The following VCPIP1 variants were observed in gnomAD, a reference collection of about 807,000 sequenced individuals.
The protein encoded by VCPIP1 is valosin containing protein interacting protein 1.
A neutral mutation model predicts 85.0 loss-of-function variants in VCPIP1; 8 were observed. The observed-to-expected ratio is 0.09, with a 90% CI of 0.06 to 0.17. The LOEUF (loss-of-function observed/expected upper bound fraction) is 0.17, where lower values mean the gene tolerates loss of function less well. Among genes scored for constraint, VCPIP1 ranks in the 10% least tolerant of loss-of-function variants. The probability of loss-of-function intolerance (pLI) is 1.00; values close to 1 mark genes in which losing one functional copy is unlikely to be tolerated. For synonymous variants in VCPIP1, 543 were observed against 544.5 expected (o/e 1.00, Z 0.04); for missense variants, 1,070 against 1,486.3 (o/e 0.72, Z 4.61).
At position 66,630,226 on chromosome 8, in the gene VCPIP1, G is replaced by A. The variant is rs574430541; in HGVS notation, c.*4275C>T. 19 of 152,134 alleles carry A rather than the reference G, an allele frequency of 1.2e-4. 1 individual carries two copies. Among genetic ancestry groups the A allele is most frequent in the Middle Eastern group, 3.4e-3 (1 of 294 alleles). The allele number at this position is 152,134 out of a possible 1,614,324, so 9.4% of individuals were successfully genotyped here. On this transcript the variant is annotated 3_prime_UTR_variant, in exon 3 of 3. Transcript: ENST00000310421. Reference sequence around the variant, plus strand: ...TAATATATACAGTAATCACGAAATCGGAAAATAATGGGCAACAGCCAGTGC... The same window carrying A: ...TAATATATACAGTAATCACGAAATCAGAAAATAATGGGCAACAGCCAGTGC...
In VCPIP1 at chr8:66,634,348, A is replaced by G; in HGVS notation, c.*153T>C. Reference sequence around the variant, plus strand: ...AGCAGTATATTAAAAGCTATGGCCAATCACACACTTGCTATCATGCACTGA... The same window carrying G: ...AGCAGTATATTAAAAGCTATGGCCAGTCACACACTTGCTATCATGCACTGA... On this transcript the variant is annotated 3_prime_UTR_variant, in exon 3 of 3. Coordinates refer to ENST00000310421, the MANE Select transcript of VCPIP1 (RefSeq NM_025054.5). 1.2e-6 allele frequency: 1 copy of G among 863,406 alleles called. No individual in the cohort carries two copies. Among genetic ancestry groups the G allele is most frequent in the Non-Finnish European group, 1.7e-6 (1 of 597,572 alleles). The allele number at this position is 863,406 out of a possible 1,614,324, so 53.5% of individuals were successfully genotyped here.
chr8:66,637,095 G>A (rs1810894713), intron 2 of VCPIP1, among the ~76,000 whole-genome samples: 1 of 152,110 alleles, frequency 6.6e-6, no homozygotes, highest in South Asian at 2.1e-4. Flanking sequence ...TTGGGAGGCT[G>A]AGGCGGGAGG....
In VCPIP1 at chr8:66,634,696, A is replaced by G; in HGVS notation, c.3474T>C (p.Pro1158=). 1 of 1,614,140 alleles carries G rather than the reference A, an allele frequency of 6.2e-7. No homozygotes were observed. Among genetic ancestry groups the G allele is most frequent in the Non-Finnish European group, 8.5e-7 (1 of 1,180,014 alleles). ...AKSGSLQTGL[P]ESFPLTGGTE... ...TACCACCAGTTAAAGGAAAAGATTC[A>G]GGCAAACCAGTCTGAAGACTCCCAG... The change falls in exon 3 of 3, where the codon CCT becomes CCC. Residue 1158 remains proline, a synonymous_variant. Transcript: ENST00000310421.
rs1429408604 is a variant in VCPIP1, at chr8:66,666,335, G to A, written c.624C>T (p.Leu208=). The part of the protein sequence containing the change: ...IKRANKSQEC[L]IPVHVDGDGH... The stretch of plus-strand genomic sequence containing the variant: ...CATCCCCGTCCACATGCACTGGAAT[G>A]AGACATTCCTGGCTTTTATTGGCCC... The change falls in exon 1 of 3, where the codon CTC becomes CTT. Residue 208 remains leucine, a synonymous_variant. Transcript: ENST00000310421. This position sits in a 1 kb window ranked among gnomAD's most constrained non-coding sequence, Gnocchi z 6.3. The A allele has an allele frequency of 7.4e-6, 12 of 1,614,024 alleles. No homozygotes were observed. Among genetic ancestry groups the A allele is most frequent in the Non-Finnish European group, 1.0e-5 (12 of 1,180,038 alleles).
At chr8:66,645,759 C>CAAAA (rs1179669993) in intron 2 of VCPIP1, among the ~76,000 whole-genome samples, 4,222 of 57,180 alleles carry the variant, frequency 0.074, 303 homozygotes, top group African/African-American at 0.16. Context: ...CCTGTCTCTA[C>CAAAA]AAAAAAAAAA....
chr8:66,637,687 G>C (rs1351902470), intron 2 of VCPIP1, among the ~76,000 whole-genome samples: 1 of 141,710 alleles, frequency 7.1e-6, no homozygotes, highest in African/African-American at 2.6e-5. Context: ...CCATTACTTA[G>C]GGCCGGGCAC....
rs1810824068 is a variant in VCPIP1, at chr8:66,630,553, A to G, written c.*3948T>C. ...TAAAAACTAAGTAATTGATACTCAC[A>G]AGCAGGTAACATCAACTAAAACTTT... On this transcript the variant is annotated 3_prime_UTR_variant, in exon 3 of 3. Coordinates refer to ENST00000310421, the MANE Select transcript of VCPIP1 (RefSeq NM_025054.5). 6.6e-6 allele frequency: 1 copy of G among 152,614 alleles called. No homozygotes were observed. The highest frequency in any genetic ancestry group is 1.5e-5 in the Non-Finnish European group (1 of 68,038). The allele number at this position is 152,614 out of a possible 1,614,324, so 9.5% of individuals were successfully genotyped here. A position where few individuals can be genotyped will look rare whatever the true frequency, so the allele number is the denominator to read the frequency against.
At position 66,638,936 on chromosome 8, in the gene VCPIP1, TTCTCTC is replaced by T. The variant is rs750894538; in HGVS notation, c.2798-3570_2798-3565del. ...CTGTACAAAAACCTGCAAGAAAACT[TTCTCTC>T]TCTCTCTCTCTCTCTCTCTCTCTCT... On this transcript the variant is annotated intron_variant, in intron 2 of 2. Coordinates refer to ENST00000310421, the MANE Select transcript of VCPIP1 (RefSeq NM_025054.5). Among the ~76,000 whole-genome samples, 863 of 131,630 alleles carry T rather than the reference TTCTCTC, an allele frequency of 6.6e-3. 7 individuals are homozygous for T. Among genetic ancestry groups the T allele is most frequent in the Non-Finnish European group, 7.0e-3 (452 of 64,532 alleles). The allele number at this position is 131,630 out of a possible 152,430, so 86.4% of individuals were successfully genotyped here. A position where few individuals can be genotyped will look rare whatever the true frequency, so the allele number is the denominator to read the frequency against.
rs1811214453 is a variant in VCPIP1, at chr8:66,666,633, G to A, written c.326C>T (p.Ala109Val). The A allele has an allele frequency of 1.2e-6, 2 of 1,614,044 alleles. 1 individual carries two copies. Among genetic ancestry groups the A allele is most frequent in the South Asian group, 2.2e-5 (2 of 91,088 alleles). ...TACCAGTTCCGTGTTCTTCTTGGGT[G>A]CCCCCGTAACCCCGAGCAGCGCGTT... ...LRNALLGVTG[A>V]PKKNTELVKV... The change falls in exon 1 of 3, where the codon GCA becomes GTA. Residue 109 changes from alanine to valine, a missense_variant. By Grantham distance (64) the Ala-to-Val change is moderately conservative. Transcript: ENST00000310421. The surrounding 1 kb of genome is among the most constrained non-coding windows in gnomAD (Gnocchi z 6.3).
At chr8:66,640,450 A>G (rs1810935536) in intron 2 of VCPIP1, among the ~76,000 whole-genome samples, 1 of 152,236 alleles carries the variant, frequency 6.6e-6, no homozygotes, top group Admixed American at 6.5e-5. Flanking sequence ...TGATACAGAA[A>G]GGAGGCAGGT....
Position 66,666,726 on chromosome 8 carries a change from T to G in VCPIP1, c.233A>C (p.Glu78Ala). 1 of 1,614,046 alleles carries G rather than the reference T, an allele frequency of 6.2e-7. No homozygotes were observed. Among genetic ancestry groups the G allele is most frequent in the South Asian group, 1.1e-5 (1 of 91,082 alleles). ...IECTECGQRH[E>A]QQQLLGVEEV... ...CTCAACCCCCAGCAGCTGTTGCTGC[T>G]CGTGCCGCTGGCCGCACTCGGTACA... Residue 78 changes from glutamate (E) to alanine (A), a missense_variant, in exon 1 of 3, where the codon GAG (glutamate) becomes GCG (alanine). Glu to Ala is a moderately radical substitution (Grantham distance 107). Coordinates refer to ENST00000310421, the MANE Select transcript of VCPIP1 (RefSeq NM_025054.5). This position sits in a 1 kb window ranked among gnomAD's most constrained non-coding sequence, Gnocchi z 6.3.
At chr8:66,661,375 A>G (rs1811154813) in intron 1 of VCPIP1, among the ~76,000 whole-genome samples, 1 of 152,218 alleles carries the variant, frequency 6.6e-6, no homozygotes, top group Non-Finnish European at 1.5e-5. Context: ...ATTCAGGTCC[A>G]AGAACCTCCA....
Position 66,665,869 on chromosome 8 carries a change from C to A in VCPIP1, c.1090G>T (p.Ala364Ser), listed in dbSNP as rs758414731. The A allele has an allele frequency of 1.2e-6, 2 of 1,614,170 alleles. No individual in the cohort carries two copies. Residue 364 changes from alanine to serine, a missense_variant, in exon 1 of 3, where the codon GCT becomes TCT. Physicochemically the swap from Ala to Ser is moderately conservative, Grantham distance 99. Transcript: ENST00000310421. The surrounding 1 kb of genome is among the most constrained non-coding windows in gnomAD (Gnocchi z 4.3). Reference sequence around the variant, plus strand: ...TTCATAGGCAGTTTGGGCAAAGCAGCCCCTTTTATGCCTACCAAGGGGATA... The same window carrying A: ...TTCATAGGCAGTTTGGGCAAAGCAGACCCTTTTATGCCTACCAAGGGGATA... The part of the protein sequence containing the change: ...HYIPLVGIKG[A>S]ALPKLPMNLL...
At chr8:66,661,765 A>AT (rs113453783) in intron 1 of VCPIP1, among the ~76,000 whole-genome samples, 7,892 of 135,918 alleles carry the variant, frequency 0.058, 270 homozygotes, top group South Asian at 0.11. Flanking sequence ...TACCGATCAG[A>AT]TTTTTTTTTT....
At chr8:66,657,956 T>G (rs1014113095) in intron 1 of VCPIP1, among the ~76,000 whole-genome samples, 1 of 152,156 alleles carries the variant, frequency 6.6e-6, no homozygotes, top group African/African-American at 2.4e-5. Context: ...CTATGCATTA[T>G]TTTTTATTCA....
At chr8:66,638,970 C>CTCTCTCTCTCTATATATATATATATATA in intron 2 of VCPIP1, among the ~76,000 whole-genome samples, 19 of 118,434 alleles carry the variant, frequency 1.6e-4, no homozygotes, top group African/African-American at 6.6e-4. Context: ...CTCTCTCTCT[C>CTCTCTCTCTCTATATATATATATATATA]TATATATATA....
At chr8:66,642,714 C>T (rs1431614411) in intron 2 of VCPIP1, among the ~76,000 whole-genome samples, 1 of 152,170 alleles carries the variant, frequency 6.6e-6, no homozygotes, top group Non-Finnish European at 1.5e-5. Flanking sequence ...GTCTCAGCAA[C>T]ACAGTTAACA....
chr8:66,632,187 A>T lies in VCPIP1; in HGVS notation c.*2314T>A, dbSNP rs928935839. 6.6e-6 allele frequency: 1 copy of T among 152,076 alleles called. No individual in the cohort carries two copies. The highest frequency in any genetic ancestry group is 2.4e-5 in the African/African-American group (1 of 41,440). 9.4% of individuals were successfully genotyped at this position (152,076 alleles called of 1,614,324 possible). A position where few individuals can be genotyped will look rare whatever the true frequency, so the allele number is the denominator to read the frequency against. ...CTATAGTCATGTATTTGGTTATGAAAACCATATGGAAAGACAAAGGATGAT... is the reference window on the plus strand; with the variant it reads ...CTATAGTCATGTATTTGGTTATGAATACCATATGGAAAGACAAAGGATGAT... On this transcript the variant is annotated 3_prime_UTR_variant, in exon 3 of 3. Transcript: ENST00000310421.
At chr8:66,641,168 C>A (rs12677937) in intron 2 of VCPIP1, among the ~76,000 whole-genome samples, 2 of 152,026 alleles carry the variant, frequency 1.3e-5, no homozygotes, top group Admixed American at 6.6e-5. Flanking sequence ...TTGAGAGCTG[C>A]GGGCTAAGTA....
Sources: gnomAD v4.1 joint callset for allele counts (sites outside exome capture counted in the v4.1 genomes callset) on GRCh38, gnomAD v4.1.1 for gene constraint, Gnocchi (gnomAD v3.1) non-coding constraint, MANE v1.5 for transcripts, NCBI Gene and HGNC (gene_info 2026-07-23, HGNC 2026-07-21) for gene names.